The following CPSF2 variants were observed in gnomAD, a reference collection of about 807,000 sequenced individuals.
CPSF2 encodes the protein cleavage and polyadenylation specific factor 2, also known as cleavage and polyadenylation specificity factor subunit 2.
A neutral mutation model predicts 84.2 loss-of-function variants in CPSF2; 51 were observed. That is an observed-to-expected ratio of 0.61 (90% CI 0.48 to 0.77). The LOEUF is 0.77. Ranked by LOEUF, CPSF2 falls within the 30% of genes least tolerant of loss-of-function variation. CPSF2 has a pLI of 0.00. For synonymous variants in CPSF2, 286 were observed against 311.9 expected (o/e 0.92, Z 0.87); for missense variants, 641 against 929.4 (o/e 0.69, Z 4.03).
rs2069477915 is a variant in CPSF2, at chr14:92,168,311, G to A, written c.*6567G>A. 1 of 149,740 alleles carries A rather than the reference G, an allele frequency of 6.7e-6. No individual in the cohort carries two copies. The highest frequency in any genetic ancestry group is 1.5e-5 in the Non-Finnish European group (1 of 67,746). 9.3% of individuals were successfully genotyped at this position (149,740 alleles called of 1,614,324 possible). On this transcript the variant is annotated 3_prime_UTR_variant, in exon 16 of 16. Coordinates refer to ENST00000298875, the MANE Select transcript of CPSF2 (RefSeq NM_017437.3). Reference sequence around the variant, plus strand: ...AGAAGGAACATTCAAATCTTCCCACGTGGGCAAGTTCCAAGCAAATGTTTA... The same window carrying A: ...AGAAGGAACATTCAAATCTTCCCACATGGGCAAGTTCCAAGCAAATGTTTA...
intron 9 of CPSF2, among the ~76,000 whole-genome samples, chr14:92,150,339 C>T (rs984210561): frequency 1.3e-5 from 2 of 151,652 alleles, no homozygotes; most frequent in Admixed American, 6.6e-5. Context: ...CCAGGCTGGT[C>T]TCGAACTCCT....
chr14:92,139,276 G>T (rs1595056339), intron 7 of CPSF2, among the ~76,000 whole-genome samples: 1 of 151,906 alleles, frequency 6.6e-6, no homozygotes, highest in Non-Finnish European at 1.5e-5. Context: ...AATTAGCCGG[G>T]CGTGGTGGCG....
chr14:92,125,879 A>G (rs1239856521), intron 1 of CPSF2, among the ~76,000 whole-genome samples: 3 of 152,166 alleles, frequency 2.0e-5, no homozygotes, highest in African/African-American at 7.2e-5. Context: ...ATGATTCTCA[A>G]TAACATAAGG....
At chr14:92,148,586 A>C (rs2069171976) in intron 9 of CPSF2, among the ~76,000 whole-genome samples, 1 of 151,868 alleles carries the variant, frequency 6.6e-6, no homozygotes, top group African/African-American at 2.4e-5. Flanking sequence ...ACATTTTTGA[A>C]GCATATATAT....
Position 92,155,466 on chromosome 14 carries a change from C to T in CPSF2, c.1442+143C>T, listed in dbSNP as rs904131153. 2.0e-5 allele frequency: 13 copies of T among 644,730 alleles called. No homozygotes were observed. The African/African-American group carries it at 2.2e-4, about 11-fold the overall frequency. 39.9% of individuals were successfully genotyped at this position (644,730 alleles called of 1,614,324 possible). On this transcript the variant is annotated intron_variant, in intron 11 of 15. Coordinates refer to ENST00000298875, the MANE Select transcript of CPSF2 (RefSeq NM_017437.3). ...GCTTCTGAGTACCTCAGCCTGAAGA[C>T]ACAGAAGACTTGTAACTTGAAACAT...
chr14:92,132,257 C>T (rs1202149062), intron 3 of CPSF2, among the ~76,000 whole-genome samples: 1 of 151,866 alleles, frequency 6.6e-6, no homozygotes, highest in African/African-American at 2.4e-5. Context: ...TCCTCAGCCT[C>T]CCAAGTAGCT....
intron 8 of CPSF2, among the ~76,000 whole-genome samples, chr14:92,142,729 G>C (rs1360479315): frequency 6.6e-6 from 1 of 152,112 alleles, no homozygotes; most frequent in African/African-American, 2.4e-5. Context: ...TTGGGAGTAA[G>C]ATTTTCATTT....
Position 92,159,292 on chromosome 14 carries a change from G to C in CPSF2, c.2121+10G>C, listed in dbSNP as rs374256740. ...CTTGCCACCTCATGAGGTAAAAAAA[G>C]CATGTGCTTTTTTGATTTCTTCCTG... On this transcript the variant is annotated intron_variant, in intron 14 of 15. Coordinates refer to ENST00000298875, the MANE Select transcript of CPSF2 (RefSeq NM_017437.3). 1.3e-6 allele frequency: 2 copies of C among 1,558,198 alleles called. No homozygotes were observed. The highest frequency in any genetic ancestry group is 2.8e-5 in the African/African-American group (2 of 72,314).
chr14:92,166,478 C>G lies in CPSF2; in HGVS notation c.*4734C>G, dbSNP rs1595072231. The G allele has an allele frequency of 6.6e-6, 1 of 152,168 alleles. No individual in the cohort carries two copies. Among genetic ancestry groups the G allele is most frequent in the Non-Finnish European group, 1.5e-5 (1 of 68,068 alleles). 9.4% of individuals were successfully genotyped at this position (152,168 alleles called of 1,614,324 possible). ...CCTCCCACCTCAGCCTCCCAAGTAGCTGAGATTACAAGTGTGTGCCACCAT... is the reference window on the plus strand; with the variant it reads ...CCTCCCACCTCAGCCTCCCAAGTAGGTGAGATTACAAGTGTGTGCCACCAT... On this transcript the variant is annotated 3_prime_UTR_variant, in exon 16 of 16. Transcript: ENST00000298875.
At chr14:92,160,759 A>C (rs1035733445) in intron 14 of CPSF2, among the ~76,000 whole-genome samples, 1 of 152,202 alleles carries the variant, frequency 6.6e-6, no homozygotes, top group Non-Finnish European at 1.5e-5. Context: ...TGGGATCTAG[A>C]AAATGAATTT....
At chr14:92,132,596 A>G (rs2068946663) in intron 3 of CPSF2, among the ~76,000 whole-genome samples, 2 of 147,860 alleles carry the variant, frequency 1.4e-5, no homozygotes, top group Non-Finnish European at 3.0e-5. Context: ...AGATGGTGAA[A>G]CCCCATCTCT....
chr14:92,131,060 G>A lies in CPSF2; in HGVS notation c.76G>A (p.Asp26Asn). ...TGCCCTTTGCTATCTTCTCCAAGTTGATGAGTTTAGATTTTTATTGGACTG... is the reference window on the plus strand; with the variant it reads ...TGCCCTTTGCTATCTTCTCCAAGTTAATGAGTTTAGATTTTTATTGGACTG... ...ESALCYLLQV[D>N]EFRFLLDCGW... The change falls in exon 3 of 16, where the codon GAT (aspartate) becomes AAT (asparagine). Residue 26 changes from aspartate to asparagine, a missense_variant. Physicochemically the swap from Asp to Asn is conservative, Grantham distance 23. Coordinates refer to ENST00000298875, the MANE Select transcript of CPSF2 (RefSeq NM_017437.3). 6.2e-7 allele frequency: 1 copy of A among 1,612,926 alleles called. No homozygotes were observed. Among genetic ancestry groups the A allele is most frequent in the Non-Finnish European group, 8.5e-7 (1 of 1,179,342 alleles).
chr14:92,163,476 G>T lies in CPSF2; in HGVS notation c.*1732G>T, dbSNP rs558104451. 2.6e-5 allele frequency: 4 copies of T among 152,650 alleles called. No homozygotes were observed. In the South Asian group the frequency reaches 8.3e-4, roughly 32 times the overall value. 9.5% of individuals were successfully genotyped at this position (152,650 alleles called of 1,614,324 possible). ...TACTGTATAGATTAAGCCCTATAAT[G>T]CTATTTATATTCCAGGGGAACGAAA... On this transcript the variant is annotated 3_prime_UTR_variant, in exon 16 of 16. Transcript: ENST00000298875.
chr14:92,126,576 C>G (rs936760615), intron 2 of CPSF2, among the ~76,000 whole-genome samples: 2 of 152,136 alleles, frequency 1.3e-5, no homozygotes, highest in South Asian at 2.1e-4. Flanking sequence ...TTGGGGAGGC[C>G]AAGGTGGGTG....
At chr14:92,138,557 G>A (rs1318517628) in intron 7 of CPSF2, among the ~76,000 whole-genome samples, 1 of 151,972 alleles carries the variant, frequency 6.6e-6, no homozygotes, top group Non-Finnish European at 1.5e-5. Context: ...AGCCTCCCGA[G>A]TAGCTGGGAT....
intron 7 of CPSF2, 106 bp downstream of exon 7, chr14:92,138,453 G>A (rs1015214771): frequency 1.7e-5 from 9 of 524,234 alleles, no homozygotes; most frequent in African/African-American, 8.1e-5. Context: ...TTTTTGAGAC[G>A]GACTTTCGCT....
chr14:92,168,683 C>G lies in CPSF2; in HGVS notation c.*6939C>G, dbSNP rs1193966200. On this transcript the variant is annotated 3_prime_UTR_variant, in exon 16 of 16. Coordinates refer to ENST00000298875, the MANE Select transcript of CPSF2 (RefSeq NM_017437.3). ...TTGGGAGGCCAAGGCAGGCATACTGCTTGAACTCAGGAGTTCAAGACCAGC... is the reference window on the plus strand; with the variant it reads ...TTGGGAGGCCAAGGCAGGCATACTGGTTGAACTCAGGAGTTCAAGACCAGC... 6.6e-6 allele frequency: 1 copy of G among 152,156 alleles called. No homozygotes were observed. Among genetic ancestry groups the G allele is most frequent in the Non-Finnish European group, 1.5e-5 (1 of 68,048 alleles). The allele number at this position is 152,156 out of a possible 1,614,324, so 9.4% of individuals were successfully genotyped here.
At position 92,159,174 on chromosome 14, in the gene CPSF2, C is replaced by T. The variant is rs1209216860; in HGVS notation, c.2013C>T (p.Ser671=). 5.0e-6 allele frequency: 8 copies of T among 1,613,674 alleles called. No individual in the cohort carries two copies. The highest frequency in any genetic ancestry group is 1.1e-5 in the South Asian group (1 of 91,066). Residue 671 remains serine, a synonymous_variant, in exon 14 of 16, where the codon AGC becomes AGT. Coordinates refer to ENST00000298875, the MANE Select transcript of CPSF2 (RefSeq NM_017437.3). ...EMQVEAPSDS[S]VIAQQKAMKS... ...AAGTGGAAGCTCCCTCAGATTCTAGCGTTATAGCACAACAAAAGGCCATGA... is the reference window on the plus strand; with the variant it reads ...AAGTGGAAGCTCCCTCAGATTCTAGTGTTATAGCACAACAAAAGGCCATGA...
chr14:92,131,189 C>T (rs1282241537), intron 3 of CPSF2, 56 bp downstream of exon 3: 1 of 1,389,172 alleles, frequency 7.2e-7, no homozygotes, highest in Non-Finnish European at 1.0e-6. Flanking sequence ...CTTTTCTGTA[C>T]TGTAATACCA....
Sources: allele counts gnomAD v4.1 joint callset (sites outside exome capture counted in the v4.1 genomes callset), GRCh38; gene constraint gnomAD v4.1.1; transcripts MANE v1.5; gene names NCBI Gene and HGNC (gene_info 2026-07-23, HGNC 2026-07-21).